Variants in PDE1A observed in about 807,000 individuals in gnomAD.
The protein encoded by PDE1A is phosphodiesterase 1A.
PDE1A carries 35 observed loss-of-function variants against 61.7 expected under a neutral mutation model. That is an observed-to-expected ratio of 0.57 (90% CI 0.43 to 0.75). PDE1A has a LOEUF of 0.75. Among genes scored for constraint, PDE1A ranks in the 30% least tolerant of loss-of-function variants. The probability of loss-of-function intolerance (pLI) is 0.00; values close to 1 mark genes in which losing one functional copy is unlikely to be tolerated. For synonymous variants in PDE1A, 232 were observed against 213.2 expected (o/e 1.09, Z -0.77); for missense variants, 597 against 630.6 (o/e 0.95, Z 0.57).
chr2:182,397,809 A>G (rs1169588724), intron 1 of PDE1A, among the ~76,000 whole-genome samples: 1 of 152,090 alleles, frequency 6.6e-6, no homozygotes, highest in Non-Finnish European at 1.5e-5. Context: ...ATGGGGCTTC[A>G]TATAGAAAAA....
the PDE1A span, among the ~76,000 whole-genome samples, chr2:182,644,177 TC>T: frequency 8.8e-6 from 1 of 113,448 alleles, no homozygotes; most frequent in East Asian, 2.8e-4. Context: ...GTAATGAGCT[TC>T]TACACCTGAG....
rs1216416384 is a variant in PDE1A, at chr2:182,264,867, G to GTA, written c.54-455_54-454dup. On this transcript the variant is annotated intron_variant, in intron 1 of 13. Transcript: ENST00000351439. ...CCAATGAGTGGATAAAGAAAATGTGGTATATATATACATATATATATATAT... is the reference window on the plus strand; with the variant it reads ...CCAATGAGTGGATAAAGAAAATGTGGTATATATATATACATATATATATATAT... 1.2e-3 allele frequency among the ~76,000 whole-genome samples: 42 copies of GTA among 34,144 alleles called. 1 individual carries two copies. The South Asian group carries it at 0.028, about 23-fold the overall frequency. The allele number at this position is 34,144 out of a possible 152,430, so 22.4% of individuals were successfully genotyped here.
chr2:182,543,659 T>C, the PDE1A span, among the ~76,000 whole-genome samples: 2 of 152,108 alleles, frequency 1.3e-5, no homozygotes, highest in African/African-American at 4.8e-5. Context: ...CCTTGACAAA[T>C]TAAACATTGG....
At chr2:182,186,018 A>G in exon 13 of PDE1A, 1 of 1,614,042 alleles carries the variant, frequency 6.2e-7, no homozygotes, top group Non-Finnish European at 8.5e-7. Context: ...TCACTCATGG[A>G]GCCTTTTGTA....
the PDE1A span, among the ~76,000 whole-genome samples, chr2:182,681,330 G>GAA: frequency 6.6e-6 from 1 of 151,258 alleles, no homozygotes; most frequent in Non-Finnish European, 1.5e-5. Flanking sequence ...TTTAGAGAGA[G>GAA]AGAGTCTTGC....
intron 2 of PDE1A, among the ~76,000 whole-genome samples, chr2:182,521,777 T>C (rs2125991596): frequency 6.6e-6 from 1 of 152,250 alleles, no homozygotes; most frequent in African/African-American, 2.4e-5. Flanking sequence ...TTAATATTTT[T>C]ATCACGTAAA....
chr2:182,515,352 A>G (rs1690067407), intron 2 of PDE1A, among the ~76,000 whole-genome samples: 1 of 152,212 alleles, frequency 6.6e-6, no homozygotes, highest in Non-Finnish European at 1.5e-5. Flanking sequence ...TTATTGAATG[A>G]GTAAATGAAT....
At chr2:182,453,987 T>G (rs955261412) in intron 2 of PDE1A, among the ~76,000 whole-genome samples, 9 of 152,012 alleles carry the variant, frequency 5.9e-5, no homozygotes. Context: ...TGTCCCTGTT[T>G]GCAGATGACA....
intron 8 of PDE1A, among the ~76,000 whole-genome samples, chr2:182,204,982 T>C (rs1686979092): frequency 6.6e-6 from 1 of 152,216 alleles, no homozygotes; most frequent in African/African-American, 2.4e-5. Flanking sequence ...TTTAGGCTTA[T>C]TTTAAACTCT....
the PDE1A span, among the ~76,000 whole-genome samples, chr2:182,614,838 TA>T: frequency 6.6e-6 from 1 of 152,254 alleles, no homozygotes; most frequent in Non-Finnish European, 1.5e-5. Flanking sequence ...ATTACAGGCG[TA>T]AGCCATTGTG....
At chr2:182,570,052 G>A in the PDE1A span, among the ~76,000 whole-genome samples, 12 of 152,274 alleles carry the variant, frequency 7.9e-5, no homozygotes, top group South Asian at 2.3e-3. Flanking sequence ...TAAAATCAGA[G>A]ACCATGCCTT....
At chr2:182,580,135 C>T in the PDE1A span, among the ~76,000 whole-genome samples, 176 of 152,308 alleles carry the variant, frequency 1.2e-3, no homozygotes, top group African/African-American at 4.0e-3. Flanking sequence ...CACTGTATCA[C>T]AGAGAACTTC....
At chr2:182,573,849 T>G in the PDE1A span, among the ~76,000 whole-genome samples, 37 of 142,220 alleles carry the variant, frequency 2.6e-4, no homozygotes, top group African/African-American at 6.0e-4. Context: ...ATATATATAT[T>G]TATATATTTA....
At chr2:182,562,439 T>C in the PDE1A span, among the ~76,000 whole-genome samples, 8 of 150,610 alleles carry the variant, frequency 5.3e-5, no homozygotes, top group Non-Finnish European at 7.4e-5. Flanking sequence ...TTTTGATGTG[T>C]TGCTGGATTC....
intron 6 of PDE1A, among the ~76,000 whole-genome samples, chr2:182,228,597 T>C (rs572059237): frequency 7.9e-5 from 12 of 152,302 alleles, no homozygotes; most frequent in African/African-American, 2.9e-4. Flanking sequence ...TATCACTACT[T>C]TTTAATGTAG....
At chr2:182,307,132 G>A (rs1695641572) in intron 1 of PDE1A, among the ~76,000 whole-genome samples, 1 of 152,060 alleles carries the variant, frequency 6.6e-6, no homozygotes, top group Non-Finnish European at 1.5e-5. Context: ...TAAAACATGG[G>A]CAAGGGGCCT....
chr2:182,274,293 A>T (rs1159794518), intron 1 of PDE1A, among the ~76,000 whole-genome samples: 1 of 152,162 alleles, frequency 6.6e-6, no homozygotes, highest in Non-Finnish European at 1.5e-5. Flanking sequence ...GACACACTTC[A>T]AAAATGCACT....
At chr2:182,474,331 C>T (rs1347040323) in intron 2 of PDE1A, among the ~76,000 whole-genome samples, 1 of 151,912 alleles carries the variant, frequency 6.6e-6, no homozygotes, top group African/African-American at 2.4e-5. Flanking sequence ...AAGGACCCAA[C>T]AGGAATGCCT....
the PDE1A span, among the ~76,000 whole-genome samples, chr2:182,665,628 T>C: frequency 6.6e-6 from 1 of 152,156 alleles, no homozygotes; most frequent in Non-Finnish European, 1.5e-5. Context: ...GGAATGTAAA[T>C]TAGTTCAACT....
Sources: gnomAD v4.1 joint callset for allele counts (sites outside exome capture counted in the v4.1 genomes callset) on GRCh38, gnomAD v4.1.1 for gene constraint, MANE v1.5 for transcripts, NCBI Gene and HGNC (gene_info 2026-07-23, HGNC 2026-07-21) for gene names.